BABAM2: variants seen among roughly 807,000 people sequenced by gnomAD.
The protein encoded by BABAM2 is BRISC and BRCA1 A complex member 2.
A neutral mutation model predicts 54.7 loss-of-function variants in BABAM2; 31 were observed. That is an observed-to-expected ratio of 0.57 (90% CI 0.43 to 0.77). The LOEUF (loss-of-function observed/expected upper bound fraction) is 0.77. Among genes scored for constraint, BABAM2 ranks in the 30% least tolerant of loss-of-function variants. The probability of loss-of-function intolerance (pLI) is 0.00; values close to 1 mark genes in which losing one functional copy is unlikely to be tolerated. For missense variants in BABAM2, 364 were observed against 455.8 expected (o/e 0.80, Z 1.83); for synonymous variants, 167 against 162.9 (o/e 1.03, Z -0.19).
chr2:28,089,249 T>G (rs1402825408), intron 6 of BABAM2, among the ~76,000 whole-genome samples: 2 of 152,128 alleles, frequency 1.3e-5, no homozygotes, highest in Non-Finnish European at 2.9e-5. Flanking sequence ...TCCACAGACA[T>G]GGTACCTAGA....
intron 6 of BABAM2, among the ~76,000 whole-genome samples, chr2:28,112,796 AT>A (rs1668251499): frequency 6.6e-6 from 1 of 152,156 alleles, no homozygotes; most frequent in Non-Finnish European, 1.5e-5. Context: ...GTCTTCCACA[AT>A]GGTTGAACTA....
intron 2 of BABAM2, among the ~76,000 whole-genome samples, chr2:27,922,814 T>A (rs1354796409): frequency 1.3e-5 from 2 of 152,218 alleles, no homozygotes; most frequent in South Asian, 2.1e-4. Context: ...TCAGCAATTT[T>A]AAAATATTTA....
At chr2:28,241,040 G>A (rs1682377888) in intron 8 of BABAM2, among the ~76,000 whole-genome samples, 1 of 152,122 alleles carries the variant, frequency 6.6e-6, no homozygotes, top group South Asian at 2.1e-4. Flanking sequence ...TTGTGGTTAT[G>A]TAGAAGAAAG....
intron 5 of BABAM2, among the ~76,000 whole-genome samples, chr2:28,029,014 G>A (rs886139709): frequency 2.6e-5 from 4 of 152,072 alleles, no homozygotes; most frequent in South Asian, 2.1e-4. Flanking sequence ...TGATCTACCC[G>A]CCTTGGCCTC....
chr2:28,058,987 C>T (rs147876945), intron 6 of BABAM2, among the ~76,000 whole-genome samples: 49 of 152,240 alleles, frequency 3.2e-4, no homozygotes, highest in African/African-American at 1.0e-3. Flanking sequence ...TGCTGGTTAC[C>T]GTTGCCTCCC....
chr2:28,296,658 T>G (rs905943454), intron 10 of BABAM2, among the ~76,000 whole-genome samples: 4 of 152,294 alleles, frequency 2.6e-5, no homozygotes, highest in Admixed American at 2.6e-4. Flanking sequence ...AGAATAGTGA[T>G]AGATGTATAA....
intron 7 of BABAM2, among the ~76,000 whole-genome samples, chr2:28,203,510 G>A (rs1043593859): frequency 1.6e-4 from 25 of 152,098 alleles, no homozygotes; most frequent in Non-Finnish European, 8.8e-5. Context: ...ACCACCAGTC[G>A]GTGCATGGCT....
chr2:28,112,156 TCCCTCCCTCCCTCCCTCCC>T (rs1668142726), intron 6 of BABAM2, among the ~76,000 whole-genome samples: 1 of 11,426 alleles, frequency 8.8e-5, no homozygotes, highest in Non-Finnish European at 1.5e-4. Flanking sequence ...TTTACCTCCC[TCCCTCCCTCCCTCCCTCCC>T]TCCCTCCCTC....
chr2:27,990,293 G>A (rs1194707280), intron 4 of BABAM2, among the ~76,000 whole-genome samples: 1 of 152,170 alleles, frequency 6.6e-6, no homozygotes, highest in Non-Finnish European at 1.5e-5. Context: ...CACCAGACAG[G>A]TTAACTACAA....
Position 28,045,756 on chromosome 2 carries a change from A to G in BABAM2, c.527A>G (p.Lys176Arg). 1 of 1,611,594 alleles carries G rather than the reference A, an allele frequency of 6.2e-7. No homozygotes were observed. Among genetic ancestry groups the G allele is most frequent in the Non-Finnish European group, 8.5e-7 (1 of 1,178,382 alleles). The stretch of plus-strand genomic sequence containing the variant: ...GAATTTTCAGCTCGTTTCCTTTTGA[A>G]GCTGCCCGTAGATTTCAGCAATATC... Reference protein sequence around the residue: ...TGEFSARFLLKLPVDFSNIPT... With the variant: ...TGEFSARFLLRLPVDFSNIPT... Residue 176 changes from lysine to arginine, a missense_variant, in exon 6 of 12, where the codon AAG (lysine) becomes AGG (arginine). By Grantham distance (26) the Lys-to-Arg change is conservative (BLOSUM62 2). Coordinates refer to ENST00000379624, the MANE Select transcript of BABAM2 (RefSeq NM_199191.3).
intron 10 of BABAM2, among the ~76,000 whole-genome samples, chr2:28,259,225 C>G (rs1454700669): frequency 1.3e-5 from 2 of 149,360 alleles, no homozygotes; most frequent in Non-Finnish European, 3.0e-5. Flanking sequence ...GTAGCTGGGA[C>G]TACAGGCACA....
intron 2 of BABAM2, among the ~76,000 whole-genome samples, chr2:27,925,337 C>G (rs907067589): frequency 2.0e-5 from 3 of 152,202 alleles, no homozygotes; most frequent in Non-Finnish European, 4.4e-5. Context: ...TTTCCCTAAA[C>G]ATGCTCCTTT....
intron 7 of BABAM2, among the ~76,000 whole-genome samples, chr2:28,158,781 A>T (rs1396899987): frequency 6.6e-6 from 1 of 152,218 alleles, no homozygotes; most frequent in African/African-American, 2.4e-5. Context: ...CGTGATTTAC[A>T]CTTTGAATTT....
chr2:27,955,572 A>G (rs1487609295), intron 3 of BABAM2, among the ~76,000 whole-genome samples: 1 of 152,212 alleles, frequency 6.6e-6, no homozygotes, highest in Non-Finnish European at 1.5e-5. Flanking sequence ...AGATATGTGC[A>G]TTAGTGGAAG....
At chr2:28,073,755 G>A (rs1474134483) in intron 6 of BABAM2, among the ~76,000 whole-genome samples, 1 of 151,992 alleles carries the variant, frequency 6.6e-6, no homozygotes, top group Non-Finnish European at 1.5e-5. Context: ...ATAGGATTCT[G>A]GATTCTGATA....
chr2:28,075,569 TGTGTGTGTGC>T (rs1011336708), intron 6 of BABAM2, among the ~76,000 whole-genome samples: 6 of 152,000 alleles, frequency 3.9e-5, no homozygotes, highest in Admixed American at 2.0e-4. Flanking sequence ...TGTGTGTGTG[TGTGTGTGTGC>T]GTGTGTGTGT....
chr2:28,163,528 C>G (rs1673316342), intron 7 of BABAM2, among the ~76,000 whole-genome samples: 1 of 152,018 alleles, frequency 6.6e-6, no homozygotes, highest in Non-Finnish European at 1.5e-5. Flanking sequence ...AGGCAGTCAC[C>G]CCTGCCAGAT....
intron 6 of BABAM2, among the ~76,000 whole-genome samples, chr2:28,052,121 G>A (rs752512551): frequency 2.0e-5 from 3 of 152,064 alleles, no homozygotes; most frequent in Non-Finnish European, 2.9e-5. Flanking sequence ...GTGTTCATGA[G>A]GATATGAATG....
chr2:28,316,810 A>G (rs890790025), intron 11 of BABAM2, among the ~76,000 whole-genome samples: 16 of 152,320 alleles, frequency 1.1e-4, no homozygotes, highest in Non-Finnish European at 1.9e-4. Flanking sequence ...GTGCCCTGGC[A>G]ATCCAAGGAT....
Sources: allele counts gnomAD v4.1 joint callset (sites outside exome capture counted in the v4.1 genomes callset), GRCh38; gene constraint gnomAD v4.1.1; transcripts MANE v1.5; gene names NCBI Gene and HGNC (gene_info 2026-07-23, HGNC 2026-07-21).